The following MEIS1 variants were observed in gnomAD, a reference collection of about 807,000 sequenced individuals.
MEIS1 encodes Meis homeobox 1, also known as homeobox protein Meis1.
A neutral mutation model predicts 50.8 loss-of-function variants in MEIS1; 5 were observed. The observed-to-expected ratio is 0.10, with a 90% confidence interval of 0.05 to 0.21. The LOEUF (loss-of-function observed/expected upper bound fraction) is 0.21. MEIS1 is among the 10% of genes least tolerant of loss of function. MEIS1 has a pLI of 1.00. For synonymous variants in MEIS1, 176 were observed against 179.3 expected (o/e 0.98, Z 0.15); for missense variants, 318 against 517.3 (o/e 0.61, Z 3.74).
chr2:66,473,414 A>ATATATATATATATATG (rs1270895401), intron 7 of MEIS1, among the ~76,000 whole-genome samples: 10 of 142,616 alleles, frequency 7.0e-5, no homozygotes, highest in African/African-American at 2.7e-4. Flanking sequence ...ATATATATAT[A>ATATATATATATATATG]TATAGTAATA....
At position 66,435,233 on chromosome 2, in the gene MEIS1, G is replaced by T. The variant is rs1404206222; in HGVS notation, c.-624G>T. On this transcript the variant is annotated 5_prime_UTR_variant, in exon 1 of 13. Coordinates refer to ENST00000272369, the MANE Select transcript of MEIS1 (RefSeq NM_002398.3). ...GGCTCCTTTAAGACAAACTCAGACA[G>T]ACATTTTTTTTAACCCTCCTTCTCT... 1.3e-5 allele frequency: 2 copies of T among 152,582 alleles called. No individual in the cohort carries two copies. Among genetic ancestry groups the T allele is most frequent in the Non-Finnish European group, 2.9e-5 (2 of 68,366 alleles). 9.5% of individuals were successfully genotyped at this position (152,582 alleles called of 1,614,324 possible).
At chr2:66,528,691 C>T (rs1457777534) in intron 8 of MEIS1, among the ~76,000 whole-genome samples, 1 of 152,194 alleles carries the variant, frequency 6.6e-6, no homozygotes, top group Non-Finnish European at 1.5e-5. Context: ...TCCGTTCGTT[C>T]CCCAGCCTTC....
intron 7 of MEIS1, among the ~76,000 whole-genome samples, chr2:66,467,174 A>G (rs1672658693): frequency 1.3e-5 from 2 of 152,196 alleles, no homozygotes; most frequent in Non-Finnish European, 1.5e-5. Flanking sequence ...AAAATACAGT[A>G]AGAGTTTCTG....
At chr2:66,478,216 GA>G (rs1469749000) in intron 7 of MEIS1, among the ~76,000 whole-genome samples, 3 of 151,982 alleles carry the variant, frequency 2.0e-5, no homozygotes, top group Non-Finnish European at 4.4e-5. Flanking sequence ...ATCAGCTTTG[GA>G]AAACATTAAT....
At chr2:66,465,707 G>A (rs1022194290) in intron 7 of MEIS1, among the ~76,000 whole-genome samples, 1 of 152,204 alleles carries the variant, frequency 6.6e-6, no homozygotes, top group African/African-American at 2.4e-5. Flanking sequence ...AGAATAGGTA[G>A]ATAGTTCAGC....
intron 6 of MEIS1, among the ~76,000 whole-genome samples, chr2:66,463,819 G>C (rs1226346074): frequency 1.3e-5 from 2 of 152,158 alleles, no homozygotes; most frequent in African/African-American, 4.8e-5. Flanking sequence ...ATCAGTGGCG[G>C]CATTTTGTTT....
chr2:66,506,534 G>A (rs185748889), intron 7 of MEIS1, among the ~76,000 whole-genome samples: 47 of 152,224 alleles, frequency 3.1e-4, no homozygotes, highest in African/African-American at 1.1e-3. Context: ...GAGAGAGATC[G>A]TGAAAGGCCT....
At position 66,491,567 on chromosome 2, in the gene MEIS1, C is replaced by T. The variant is rs116822369; in HGVS notation, c.743-20582C>T. ...CCTTGGATATAAACAACATTGTTTA[C>T]GCTGTTTCCACTCTCTTCATCCTCT... is the stretch of plus-strand genomic sequence containing the variant. On this transcript the variant is annotated intron_variant, in intron 7 of 12. Transcript: ENST00000272369. 5.4e-3 allele frequency among the ~76,000 whole-genome samples: 815 copies of T among 152,266 alleles called. 6 individuals carry two copies. Among genetic ancestry groups the T allele is most frequent in the Non-Finnish European group, 7.2e-3 (493 of 68,030 alleles).
At chr2:66,495,808 C>T (rs1002546828) in intron 7 of MEIS1, among the ~76,000 whole-genome samples, 1 of 152,182 alleles carries the variant, frequency 6.6e-6, no homozygotes, top group African/African-American at 2.4e-5. Context: ...TAATCTGGAT[C>T]TAGAAATTGG....
intron 8 of MEIS1, among the ~76,000 whole-genome samples, chr2:66,523,319 A>C (rs1217213347): frequency 6.6e-6 from 1 of 152,234 alleles, no homozygotes; most frequent in African/African-American, 2.4e-5. Context: ...CCATTTAAGT[A>C]TTAATGCTTG....
chr2:66,460,914 A>G (rs2103736801), intron 6 of MEIS1, among the ~76,000 whole-genome samples: 1 of 152,312 alleles, frequency 6.6e-6, no homozygotes, highest in South Asian at 2.1e-4. Flanking sequence ...ATAAACCCAA[A>G]TATTATTCCA....
intron 8 of MEIS1, among the ~76,000 whole-genome samples, chr2:66,545,239 A>T (rs1016998665): frequency 7.2e-5 from 11 of 152,238 alleles, no homozygotes; most frequent in African/African-American, 2.7e-4. Flanking sequence ...ATTAAAAATC[A>T]CTGCAAGTGA....
intron 8 of MEIS1, among the ~76,000 whole-genome samples, chr2:66,536,038 A>G (rs1572886923): frequency 6.6e-6 from 1 of 152,212 alleles, no homozygotes; most frequent in African/African-American, 2.4e-5. Context: ...GCTATTTGGC[A>G]TATGTTGAAT....
chr2:66,522,094 C>T (rs1674136890), intron 8 of MEIS1, among the ~76,000 whole-genome samples: 1 of 152,202 alleles, frequency 6.6e-6, no homozygotes, highest in Admixed American at 6.5e-5. Context: ...ACTGTACGAA[C>T]TTGATTAATG....
chr2:66,561,719 T>A (rs1239847669), intron 9 of MEIS1, among the ~76,000 whole-genome samples: 1 of 152,238 alleles, frequency 6.6e-6, no homozygotes, highest in East Asian at 1.9e-4. Flanking sequence ...GCTTCTTAGG[T>A]ACTTGCAGAT....
At chr2:66,546,753 T>C (rs1674800641) in intron 8 of MEIS1, among the ~76,000 whole-genome samples, 1 of 152,238 alleles carries the variant, frequency 6.6e-6, no homozygotes, top group African/African-American at 2.4e-5. Context: ...AGACAATGCT[T>C]ATGGGAAAAA....
At chr2:66,478,422 G>A (rs779520000) in intron 7 of MEIS1, among the ~76,000 whole-genome samples, 1 of 152,174 alleles carries the variant, frequency 6.6e-6, no homozygotes, top group Non-Finnish European at 1.5e-5. Context: ...TATTTCAAAT[G>A]GAGGCTGTAA....
rs1221912764 is a variant in MEIS1, at chr2:66,505,665, GA to G, written c.743-6478del. ...GGAATATAATTAATTAATTCACTGG[GA>G]AAAAATGCAGAAAGAAACAACCTTT... On this transcript the variant is annotated intron_variant, in intron 7 of 12. Transcript: ENST00000272369. Among the ~76,000 whole-genome samples the G allele has an allele frequency of 2.0e-5, 3 of 152,190 alleles. No homozygotes were observed. In the East Asian group the frequency reaches 5.8e-4, roughly 29 times the overall value.
intron 7 of MEIS1, among the ~76,000 whole-genome samples, chr2:66,508,383 G>A (rs1425829171): frequency 2.6e-5 from 4 of 152,164 alleles, no homozygotes; most frequent in Non-Finnish European, 4.4e-5. Flanking sequence ...TCGTATCAAA[G>A]CAGATTGCTT....
Sources: allele counts gnomAD v4.1 joint callset (sites outside exome capture counted in the v4.1 genomes callset), GRCh38; gene constraint gnomAD v4.1.1; transcripts MANE v1.5; gene names NCBI Gene and HGNC (gene_info 2026-07-23, HGNC 2026-07-21).